The following RIF1 variants were observed in gnomAD, a reference collection of about 807,000 sequenced individuals.
RIF1 encodes replication timing regulatory factor 1.
RIF1 carries 45 observed loss-of-function variants against 247.1 expected under a neutral mutation model. The ratio of observed to expected loss-of-function variants is 0.18; its 90% CI spans 0.14 to 0.23. The LOEUF (loss-of-function observed/expected upper bound fraction) is 0.23. RIF1 is among the 10% of genes least tolerant of loss of function. The pLI, the probability that RIF1 is intolerant of heterozygous loss-of-function variation, is 1.00. For missense variants in RIF1, 2,967 were observed against 2,862.5 expected (o/e 1.04, Z -0.83); for synonymous variants, 1,087 against 978.8 (o/e 1.11, Z -2.06).
chr2:151,437,616 A>G (rs1691475414), intron 13 of RIF1, among the ~76,000 whole-genome samples: 1 of 152,196 alleles, frequency 6.6e-6, no homozygotes, highest in Non-Finnish European at 1.5e-5. Flanking sequence ...GCTTGAGCCC[A>G]GGAGGTGGAA....
chr2:151,502,969 A>G, intron 11 of RIF1: 2 of 789,794 alleles, frequency 2.5e-6, no homozygotes, highest in Non-Finnish European at 4.2e-6. Context: ...AAGGGGTTAT[A>G]TGTGAGGAGG....
At chr2:151,425,293 A>G (rs573466604) in intron 8 of RIF1, among the ~76,000 whole-genome samples, 14 of 152,034 alleles carry the variant, frequency 9.2e-5, no homozygotes, top group Non-Finnish European at 1.6e-4. Flanking sequence ...TTGGATATGC[A>G]TCCCTTAGTT....
the RIF1 span, chr2:151,531,680 C>T: frequency 2.5e-6 from 2 of 792,888 alleles, no homozygotes; most frequent in Non-Finnish European, 4.3e-6. Flanking sequence ...CCCCTGCCTC[C>T]CTCCCACTAA....
chr2:151,443,107 A>T (rs1692651854), intron 16 of RIF1, 152 bp from the exon 17 acceptor site: 6 of 555,444 alleles, frequency 1.1e-5, no homozygotes, highest in East Asian at 3.9e-5. Context: ...AGTATATGGA[A>T]ATAATTTTAC....
chr2:151,462,187 TA>T, intron 27 of RIF1, 54 bp from the exon 28 acceptor site: 1 of 1,268,832 alleles, frequency 7.9e-7, no homozygotes. Context: ...GTTTAATTTC[TA>T]ATTGTAAGAA....
intron 20 of RIF1, among the ~76,000 whole-genome samples, chr2:151,450,287 A>G (rs1296397110): frequency 6.6e-6 from 1 of 152,090 alleles, no homozygotes; most frequent in Admixed American, 6.5e-5. Flanking sequence ...ATCATCTAGG[A>G]CTTCTAATTT....
rs1269116296 is a variant in RIF1, at chr2:151,410,023, G to C, written c.-21G>C. ...GCAGAGGCGGAGAGAACCCTGTCCT[G>C]ATCTTCCTAGGTGGGATAAATATCG... On this transcript the variant is annotated 5_prime_UTR_variant, in exon 1 of 36. Coordinates refer to ENST00000444746, the MANE Select transcript of RIF1 (RefSeq NM_018151.5). 4.3e-6 allele frequency: 3 copies of C among 702,928 alleles called. No individual in the cohort carries two copies. The highest frequency in any genetic ancestry group is 2.0e-5 in the Admixed American group (1 of 50,022). 43.5% of individuals were successfully genotyped at this position (702,928 alleles called of 1,614,324 possible).
downstream of RIF1, among the ~76,000 whole-genome samples, chr2:151,482,666 AAAC>A (rs751915789): frequency 1.1e-4 from 17 of 152,296 alleles, no homozygotes; most frequent in African/African-American, 1.4e-4. Context: ...GTTTTAAGGA[AAAC>A]AACAACAACA....
rs767430873 is a variant in RIF1 at position 151,465,009 on chromosome 2, G to T, written c.5489G>T (p.Gly1830Val). 1 of 1,577,946 alleles carries T rather than the reference G, an allele frequency of 6.3e-7. No individual in the cohort carries two copies. The highest frequency in any genetic ancestry group is 8.5e-7 in the Non-Finnish European group (1 of 1,169,870). The stretch of plus-strand genomic sequence containing the variant: ...ACTATGCAAGAATCTCTTCCTTCTG[G>T]AATAGTAAACTTTAGAGAGGAAATT... Reference protein sequence around the residue: ...ENTMQESLPSGIVNFREEICD... With the variant: ...ENTMQESLPSVIVNFREEICD... The change falls in exon 30 of 36, where the codon GGA becomes GTA. Residue 1830 changes from glycine (G) to valine (V), a missense_variant. Coordinates refer to ENST00000444746, the MANE Select transcript of RIF1 (RefSeq NM_018151.5).
the RIF1 span, chr2:151,524,654 CTTTTTTTTTTTTTTT>C: frequency 2.7e-4 from 70 of 257,384 alleles, 2 homozygotes; most frequent in Middle Eastern, 1.5e-3. Context: ...AAGAGAGAGG[CTTTTTTTTTTTTTTT>C]TTTTTTTTTT....
At chr2:151,512,708 G>T (rs190104505), downstream of RIF1, 199 of 1,503,634 alleles carry the variant, frequency 1.3e-4, 1 homozygote, top group African/African-American at 2.6e-3. Flanking sequence ...GGGTTTATGA[G>T]TGATGGCATG....
At chr2:151,435,834 T>G (rs77136448) in intron 11 of RIF1, among the ~76,000 whole-genome samples, 2,579 of 152,082 alleles carry the variant, frequency 0.017, 22 homozygotes, top group Middle Eastern at 0.041. Context: ...AGACGGATGT[T>G]TTTTCAGTAC....
In RIF1 at chr2:151,443,598, T is replaced by C. The variant is rs913152429; in HGVS notation, c.1875T>C (p.Ser625=). Reference sequence around the variant, plus strand: ...GTCCAACTTCACCACTAGCTTTCAGTGACTCAGTTTTAAATGTTATTAATC... The same window carrying C: ...GTCCAACTTCACCACTAGCTTTCAGCGACTCAGTTTTAAATGTTATTAATC... The part of the protein sequence containing the change: ...LSGPTSPLAF[S]DSVLNVINQN... Residue 625 remains serine, a synonymous_variant, in exon 18 of 36, where the codon AGT becomes AGC. Transcript: ENST00000444746. 6.2e-7 allele frequency: 1 copy of C among 1,612,400 alleles called. No individual in the cohort carries two copies. Among genetic ancestry groups the C allele is most frequent in the African/African-American group, 1.3e-5 (1 of 74,864 alleles).
At chr2:151,502,398 A>G (rs924134641) in intron 11 of RIF1, among the ~76,000 whole-genome samples, 3 of 152,152 alleles carry the variant, frequency 2.0e-5, no homozygotes, top group Admixed American at 2.0e-4. Context: ...AAAAAAAAAA[A>G]AACTTAAAAG....
chr2:151,511,132 C>A (rs2073958820), downstream of RIF1, among the ~76,000 whole-genome samples: 1 of 152,252 alleles, frequency 6.6e-6, no homozygotes, highest in South Asian at 2.1e-4. Context: ...TAAAGATCAG[C>A]AGTGTCAAAA....
At chr2:151,462,512 C>T in intron 29 of RIF1, 46 bp downstream of exon 29, 1 of 1,232,666 alleles carries the variant, frequency 8.1e-7, no homozygotes, top group Non-Finnish European at 1.1e-6. Context: ...ATCACCCTTC[C>T]ATTATACAGT....
chr2:151,489,048 A>T (rs2053788472), intron 9 of RIF1, among the ~76,000 whole-genome samples: 1 of 152,202 alleles, frequency 6.6e-6, no homozygotes, highest in Non-Finnish European at 1.5e-5. Context: ...GGGTTAGCAC[A>T]GTTTCTTTAA....
rs192669125 is a variant in RIF1, at chr2:151,500,633, G to A, written c.*709+1093G>A. ...TTTTTTGAAACAGGGTCTCACTCCT[G>A]TTGCCTAGGCTGGAGTACAGTGGCA... On this transcript the variant is annotated intron_variant and NMD_transcript_variant, in intron 11 of 13. Coordinates refer to the RIF1 transcript ENST00000454583. Among the ~76,000 whole-genome samples the A allele has an allele frequency of 3.5e-3, 406 of 115,738 alleles. 2 individuals are homozygous for A. The highest frequency in any genetic ancestry group is 0.013 in the African/African-American group (387 of 30,112). 75.9% of individuals were successfully genotyped at this position (115,738 alleles called of 152,430 possible).
In RIF1 at chr2:151,493,875, A is replaced by G. The variant is rs1040110151; in HGVS notation, c.*416-1354A>G. 1 of 1,506,400 alleles carries G rather than the reference A, an allele frequency of 6.6e-7. No homozygotes were observed. Among genetic ancestry groups the G allele is most frequent in the Admixed American group, 2.2e-5 (1 of 44,838 alleles). 93.3% of individuals were successfully genotyped at this position (1,506,400 alleles called of 1,614,324 possible). A position where few individuals can be genotyped will look rare whatever the true frequency, so the allele number is the denominator to read the frequency against. ...GTTCTCTTTGTATAACACCTGTGAG[A>G]TACAAAGTCATGCCCGAAAGTCACT... On this transcript the variant is annotated intron_variant and NMD_transcript_variant, in intron 9 of 13. Coordinates refer to the RIF1 transcript ENST00000454583.
Sources: allele counts gnomAD v4.1 joint callset (sites outside exome capture counted in the v4.1 genomes callset), GRCh38; gene constraint gnomAD v4.1.1; transcripts MANE v1.5; gene names NCBI Gene and HGNC (gene_info 2026-07-23, HGNC 2026-07-21).